SLAIN2: variants seen among roughly 807,000 people sequenced by gnomAD.
SLAIN2 encodes SLAIN family member 2.
A neutral mutation model predicts 56.6 loss-of-function variants in SLAIN2; 31 were observed. That is an observed-to-expected ratio of 0.55 (90% CI 0.41 to 0.74). The LOEUF (loss-of-function observed/expected upper bound fraction) is 0.74, where lower values mean the gene tolerates loss of function less well. SLAIN2 is among the 30% of genes least tolerant of loss of function. The probability of loss-of-function intolerance (pLI) is 0.00; values close to 1 mark genes in which losing one functional copy is unlikely to be tolerated. For synonymous variants in SLAIN2, 317 were observed against 284.9 expected, an observed-to-expected ratio of 1.11 and a Z score of -1.13; for missense variants, 777 against 754.2, an observed-to-expected ratio of 1.03 and a Z score of -0.35.
chr4:48,377,125 G>T (rs1715838871), intron 2 of SLAIN2, among the ~76,000 whole-genome samples: 1 of 151,446 alleles, frequency 6.6e-6, no homozygotes, highest in South Asian at 2.1e-4. Context: ...AGGATCACTT[G>T]ACACCAGGAG....
intron 1 of SLAIN2, among the ~76,000 whole-genome samples, chr4:48,360,676 A>G (rs377721766): frequency 6.6e-6 from 1 of 152,236 alleles, no homozygotes; most frequent in South Asian, 2.1e-4. Flanking sequence ...ACGTATTCAC[A>G]GAATAGTACA....
chr4:48,360,611 CAT>C (rs2109743729), intron 1 of SLAIN2, among the ~76,000 whole-genome samples: 2 of 152,036 alleles, frequency 1.3e-5, no homozygotes, highest in South Asian at 4.2e-4. Flanking sequence ...TTAAAAAAAA[CAT>C]AAATAGATAA....
rs1717176962 is a variant in SLAIN2 at position 48,422,280 on chromosome 4, A to C, written c.*203A>C. ...TTAACATCAGATGTGTTTGGTAATC[A>C]TACAATCACTCTCCATAGAATCACT... On this transcript the variant is annotated 3_prime_UTR_variant, in exon 8 of 8. Coordinates refer to ENST00000264313, the MANE Select transcript of SLAIN2 (RefSeq NM_020846.2). 4.0e-6 allele frequency: 2 copies of C among 506,278 alleles called. No individual in the cohort carries two copies. Among genetic ancestry groups the C allele is most frequent in the Non-Finnish European group, 7.1e-6 (2 of 282,692 alleles). 31.4% of individuals were successfully genotyped at this position (506,278 alleles called of 1,614,324 possible).
intron 6 of SLAIN2, among the ~76,000 whole-genome samples, chr4:48,406,508 G>C (rs1396546765): frequency 7.0e-6 from 1 of 143,284 alleles, no homozygotes; most frequent in Non-Finnish European, 1.5e-5. Flanking sequence ...TACAACTTTT[G>C]GTTATGCTCT....
At chr4:48,399,803 A>T (rs972830523) in intron 6 of SLAIN2, among the ~76,000 whole-genome samples, 1 of 152,036 alleles carries the variant, frequency 6.6e-6, no homozygotes, top group Non-Finnish European at 1.5e-5. Flanking sequence ...GATGAATTAC[A>T]TTTATTGATT....
At chr4:48,409,936 G>A (rs563996164) in intron 6 of SLAIN2, among the ~76,000 whole-genome samples, 21 of 152,232 alleles carry the variant, frequency 1.4e-4, no homozygotes, top group South Asian at 6.2e-4. Context: ...TGTTTACATG[G>A]ACAGACATGT....
At chr4:48,417,855 A>T (rs1235559088) in intron 6 of SLAIN2, among the ~76,000 whole-genome samples, 15 of 152,126 alleles carry the variant, frequency 9.9e-5, no homozygotes, top group Non-Finnish European at 1.8e-4. Flanking sequence ...GTATTTCAAA[A>T]TAATAAGAGC....
At chr4:48,367,225 G>T (rs958376288) in intron 1 of SLAIN2, among the ~76,000 whole-genome samples, 2 of 152,194 alleles carry the variant, frequency 1.3e-5, no homozygotes, top group East Asian at 3.8e-4. Flanking sequence ...AAGGTTACCT[G>T]ACCAAGGAAT....
chr4:48,392,796 C>A (rs560031371), intron 6 of SLAIN2, among the ~76,000 whole-genome samples: 1 of 151,366 alleles, frequency 6.6e-6, no homozygotes, highest in East Asian at 1.9e-4. Context: ...GCAGCTATCA[C>A]TATCTGGCAG....
chr4:48,358,914 T>A (rs1715242189), intron 1 of SLAIN2, among the ~76,000 whole-genome samples: 1 of 150,414 alleles, frequency 6.6e-6, no homozygotes, highest in Non-Finnish European at 1.5e-5. Flanking sequence ...AGAGATGGAT[T>A]TTCACAATGT....
At chr4:48,369,722 G>A (rs1487097875) in intron 1 of SLAIN2, 127 bp from the exon 2 acceptor site, 13 of 752,884 alleles carry the variant, frequency 1.7e-5, no homozygotes, top group Non-Finnish European at 2.4e-5. Context: ...GTAAATGTGG[G>A]TGATTTAAAA....
At chr4:48,361,352 C>T (rs563460665) in intron 1 of SLAIN2, among the ~76,000 whole-genome samples, 1 of 152,268 alleles carries the variant, frequency 6.6e-6, no homozygotes, top group African/African-American at 2.4e-5. Context: ...GAAATTAATT[C>T]CATATGGCTG....
chr4:48,410,238 T>G (rs1716808397), intron 6 of SLAIN2, among the ~76,000 whole-genome samples: 1 of 152,068 alleles, frequency 6.6e-6, no homozygotes, highest in African/African-American at 2.4e-5. Context: ...ATATCTTCTT[T>G]GGAGAAATGT....
At chr4:48,404,062 T>G (rs1425876730) in intron 6 of SLAIN2, among the ~76,000 whole-genome samples, 1 of 152,158 alleles carries the variant, frequency 6.6e-6, no homozygotes, top group Non-Finnish European at 1.5e-5. Flanking sequence ...TCACCCTGCT[T>G]CTTTTCCTCT....
At chr4:48,410,012 A>G (rs950035684) in intron 6 of SLAIN2, among the ~76,000 whole-genome samples, 4 of 152,226 alleles carry the variant, frequency 2.6e-5, no homozygotes, top group African/African-American at 7.2e-5. Context: ...TGTTTAACAT[A>G]TTAAGGATCT....
intron 1 of SLAIN2, among the ~76,000 whole-genome samples, chr4:48,362,423 C>CTTTTTTTT (rs557166143): frequency 7.1e-6 from 1 of 140,956 alleles, no homozygotes; most frequent in African/African-American, 2.6e-5. Context: ...TTCTCTCTCT[C>CTTTTTTTT]TTTTTTTTTT....
At chr4:48,366,528 T>A (rs552116142) in intron 1 of SLAIN2, among the ~76,000 whole-genome samples, 2 of 152,348 alleles carry the variant, frequency 1.3e-5, no homozygotes, top group East Asian at 3.9e-4. Context: ...TTTTTGTTTC[T>A]AGTAATCTTT....
chr4:48,395,218 AGAT>A (rs1465962774), intron 6 of SLAIN2, among the ~76,000 whole-genome samples: 2 of 152,194 alleles, frequency 1.3e-5, no homozygotes, highest in African/African-American at 4.8e-5. Context: ...ATGGGCAGCT[AGAT>A]GGAAGTAGAA....
At chr4:48,344,244 T>C (rs1298056677) in intron 1 of SLAIN2, among the ~76,000 whole-genome samples, 2 of 152,194 alleles carry the variant, frequency 1.3e-5, no homozygotes, top group South Asian at 2.1e-4. Context: ...TGAATATAAA[T>C]CATATTTAAA....
Sources: gnomAD v4.1 joint callset for allele counts (sites outside exome capture counted in the v4.1 genomes callset) on GRCh38, gnomAD v4.1.1 for gene constraint, MANE v1.5 for transcripts, NCBI Gene and HGNC (gene_info 2026-07-23, HGNC 2026-07-21) for gene names.